CREB5: variants seen among roughly 807,000 people sequenced by gnomAD.
CREB5 encodes the protein cAMP responsive element binding protein 5, also known as cyclic AMP-responsive element-binding protein 5.
Under a neutral mutation model 57.1 loss-of-function variants are expected in CREB5, and 19 were observed. The ratio of observed to expected loss-of-function variants is 0.33; its 90% confidence interval spans 0.23 to 0.49. CREB5 has a LOEUF of 0.49. Ranked by LOEUF, CREB5 falls within the 20% of genes least tolerant of loss-of-function variation. The pLI, the probability that CREB5 is intolerant of heterozygous loss-of-function variation, is 0.99. For missense variants in CREB5, 579 were observed against 671.6 expected (o/e 0.86, Z 1.52); for synonymous variants, 238 against 238.3 (o/e 1.00, Z 0.01).
chr7:28,776,518 G>C (rs538622342), intron 7 of CREB5, among the ~76,000 whole-genome samples: 1 of 152,226 alleles, frequency 6.6e-6, no homozygotes, highest in Non-Finnish European at 1.5e-5. Flanking sequence ...AGGCAAGAGA[G>C]TTTTTTTAAA....
rs190931545 is a variant in CREB5, at chr7:28,434,406, T to C, written c.3+21489T>C. Among the ~76,000 whole-genome samples, 11 of 152,322 alleles carry C rather than the reference T, an allele frequency of 7.2e-5. No homozygotes were observed. The East Asian group carries it at 2.1e-3, about 29-fold the overall frequency. On this transcript the variant is annotated intron_variant, in intron 1 of 10. Coordinates refer to ENST00000357727, the MANE Select transcript of CREB5 (RefSeq NM_182898.4). ...CCCAGATCCAGTTATTTGTAAACTT[T>C]TTTTCTGCCTATTATCTTAGCAGCT... is the stretch of plus-strand genomic sequence containing the variant.
chr7:28,752,681 C>T (rs952601859), intron 7 of CREB5, among the ~76,000 whole-genome samples: 1 of 152,170 alleles, frequency 6.6e-6, no homozygotes, highest in African/African-American at 2.4e-5. Context: ...AACATAGGGC[C>T]TGTCTAATAA....
At chr7:28,574,376 G>T (rs941162972) in intron 5 of CREB5, among the ~76,000 whole-genome samples, 24 of 152,158 alleles carry the variant, frequency 1.6e-4, no homozygotes, top group African/African-American at 5.3e-4. Context: ...ATGGCAGAAG[G>T]GTAGGTAGCA....
intron 1 of CREB5, among the ~76,000 whole-genome samples, chr7:28,304,747 T>C (rs919114828): frequency 2.0e-5 from 3 of 152,192 alleles, no homozygotes; most frequent in Admixed American, 6.5e-5. Context: ...CTATTAAAAC[T>C]CACATTGTAA....
chr7:28,463,908 T>C (rs935402513), intron 1 of CREB5, among the ~76,000 whole-genome samples: 4 of 152,188 alleles, frequency 2.6e-5, no homozygotes, highest in Admixed American at 2.0e-4. Context: ...TCTGGATACC[T>C]TTTATTTCAT....
rs536049391 is a variant in CREB5 at position 28,652,791 on chromosome 7, T to C, written c.465-65962T>C. On this transcript the variant is annotated intron_variant, in intron 5 of 10. Transcript: ENST00000357727. ...CCTGTTGCTAATGGGTGGATCACAG[T>C]GGATTCCTATGATGCTACCCGAATG... Among the ~76,000 whole-genome samples, 34 of 152,332 alleles carry C rather than the reference T, an allele frequency of 2.2e-4. 1 individual carries two copies. In the South Asian group the frequency reaches 7.0e-3, roughly 32 times the overall value.
At position 28,642,967 on chromosome 7, in the gene CREB5, C is replaced by CACACACACAT. The variant is rs1562544611; in HGVS notation, c.464+72439_464+72440insTACACACACA. 4.8e-3 allele frequency among the ~76,000 whole-genome samples: 445 copies of CACACACACAT among 93,682 alleles called. 3 individuals carry two copies. Among genetic ancestry groups the CACACACACAT allele is most frequent in the East Asian group, 0.038 (132 of 3,452 alleles). The allele number at this position is 93,682 out of a possible 152,430, so 61.5% of individuals were successfully genotyped here. A position where few individuals can be genotyped will look rare whatever the true frequency, so the allele number is the denominator to read the frequency against. On this transcript the variant is annotated intron_variant, in intron 5 of 10. Coordinates refer to ENST00000357727, the MANE Select transcript of CREB5 (RefSeq NM_182898.4). ...GGGTAGATTTACACACACACACACA[C>CACACACACAT]ACACACACACACACACACATACACA...
intron 5 of CREB5, among the ~76,000 whole-genome samples, chr7:28,613,597 CCTT>C (rs1312673454): frequency 1.3e-5 from 2 of 152,188 alleles, no homozygotes; most frequent in Admixed American, 1.3e-4. Context: ...TGGGACTACT[CCTT>C]CTGCTTTGAT....
At chr7:28,326,028 C>T (rs989091469) in intron 1 of CREB5, among the ~76,000 whole-genome samples, 15 of 152,140 alleles carry the variant, frequency 9.9e-5, no homozygotes, top group Admixed American at 9.2e-4. Context: ...CTTCAAGGAG[C>T]TTTAATTCCT....
intron 1 of CREB5, among the ~76,000 whole-genome samples, chr7:28,483,785 A>G (rs1262967102): frequency 6.6e-6 from 1 of 152,192 alleles, no homozygotes; most frequent in East Asian, 1.9e-4. Context: ...AGATTGAATA[A>G]AATTAGATTC....
At chr7:28,644,609 GA>G (rs1798819534) in intron 5 of CREB5, among the ~76,000 whole-genome samples, 1 of 151,714 alleles carries the variant, frequency 6.6e-6, no homozygotes, top group African/African-American at 2.4e-5. Context: ...GTTTCAATTT[GA>G]AATTTTGAAT....
chr7:28,692,370 G>A (rs1429419330), intron 5 of CREB5, among the ~76,000 whole-genome samples: 3 of 152,170 alleles, frequency 2.0e-5, no homozygotes, highest in Non-Finnish European at 4.4e-5. Context: ...GCCAAGGCAG[G>A]CAGATCACTT....
chr7:28,542,444 A>G (rs1482883256), intron 4 of CREB5, among the ~76,000 whole-genome samples: 1 of 152,168 alleles, frequency 6.6e-6, no homozygotes, highest in Non-Finnish European at 1.5e-5. Flanking sequence ...AGGTGGTAAA[A>G]CACTGGTTGT....
chr7:28,509,717 C>G (rs1792622591), intron 4 of CREB5, among the ~76,000 whole-genome samples: 1 of 152,016 alleles, frequency 6.6e-6, no homozygotes, highest in Non-Finnish European at 1.5e-5. Context: ...ATTAAGCAAC[C>G]AAAGTAAGAA....
At chr7:28,777,667 G>A (rs1806738814) in intron 7 of CREB5, among the ~76,000 whole-genome samples, 1 of 152,198 alleles carries the variant, frequency 6.6e-6, no homozygotes, top group African/African-American at 2.4e-5. Flanking sequence ...TCTGGGACTT[G>A]TGAATCACTC....
At chr7:28,801,124 G>C (rs561205881) in intron 7 of CREB5, among the ~76,000 whole-genome samples, 8 of 152,202 alleles carry the variant, frequency 5.3e-5, no homozygotes, top group African/African-American at 1.9e-4. Context: ...ATTGCTAAAG[G>C]GACAAAAAGC....
chr7:28,474,828 C>T (rs557109059), intron 1 of CREB5, among the ~76,000 whole-genome samples: 1 of 152,254 alleles, frequency 6.6e-6, no homozygotes, highest in African/African-American at 2.4e-5. Flanking sequence ...GCTGTGTTTC[C>T]TACAGAGGCA....
intron 4 of CREB5, among the ~76,000 whole-genome samples, chr7:28,558,449 G>A (rs1019025526): frequency 6.6e-6 from 1 of 152,214 alleles, no homozygotes; most frequent in African/African-American, 2.4e-5. Flanking sequence ...GTGAAATGAA[G>A]CAGCAAGCAT....
intron 5 of CREB5, among the ~76,000 whole-genome samples, chr7:28,707,598 C>T (rs537943881): frequency 2.6e-5 from 4 of 152,218 alleles, no homozygotes; most frequent in African/African-American, 4.8e-5. Flanking sequence ...TAATTTAGGA[C>T]TCCGAGAGGT....
Sources: allele counts gnomAD v4.1 joint callset (sites outside exome capture counted in the v4.1 genomes callset), GRCh38; gene constraint gnomAD v4.1.1; transcripts MANE v1.5; gene names NCBI Gene and HGNC (gene_info 2026-07-23, HGNC 2026-07-21).